CTNNA2: variants seen among roughly 807,000 people sequenced by gnomAD.
CTNNA2 encodes the protein catenin alpha-2.
In CTNNA2, 42 loss-of-function variants were observed where a neutral mutation model predicts 101.0. That is an observed-to-expected ratio of 0.42 (90% CI 0.32 to 0.54). The LOEUF (loss-of-function observed/expected upper bound fraction) is 0.54, where lower values mean the gene tolerates loss of function less well. Ranked by LOEUF, CTNNA2 falls within the 20% of genes least tolerant of loss-of-function variation. The pLI is 0.14. For synonymous variants in CTNNA2, 450 were observed against 456.4 expected (o/e 0.99, Z 0.18); for missense variants, 871 against 1,223.1 (o/e 0.71, Z 4.29).
intron 18 of CTNNA2, among the ~76,000 whole-genome samples, chr2:80,621,399 A>G (rs1178082262): frequency 1.3e-5 from 2 of 151,970 alleles, no homozygotes; most frequent in Non-Finnish European, 2.9e-5. Flanking sequence ...ATATACTGCT[A>G]TTTGGTTAAT....
intron 7 of CTNNA2, among the ~76,000 whole-genome samples, chr2:79,992,456 G>A (rs2103904627): frequency 6.6e-6 from 1 of 152,274 alleles, no homozygotes; most frequent in African/African-American, 2.4e-5. Context: ...TTGTATTTAA[G>A]CAAGTAATGT....
At chr2:79,208,349 G>A (rs1674127461) in intron 2 of CTNNA2, among the ~76,000 whole-genome samples, 1 of 152,184 alleles carries the variant, frequency 6.6e-6, no homozygotes, top group African/African-American at 2.4e-5. Context: ...GGCTGGTAAT[G>A]AAGTGCATCT....
intron 9 of CTNNA2, among the ~76,000 whole-genome samples, chr2:80,485,736 A>C (rs1241275360): frequency 1.3e-5 from 2 of 152,226 alleles, no homozygotes; most frequent in African/African-American, 4.8e-5. Context: ...CAACAATAAC[A>C]ACAACAGAAT....
chr2:80,556,003 C>A, intron 12 of CTNNA2, 110 bp downstream of exon 12: 1 of 716,606 alleles, frequency 1.4e-6, no homozygotes, highest in Non-Finnish European at 2.1e-6. Flanking sequence ...CTAAATTGCA[C>A]ATAATTGTGG....
At chr2:79,259,172 A>T (rs1430948331) in intron 2 of CTNNA2, among the ~76,000 whole-genome samples, 2 of 152,122 alleles carry the variant, frequency 1.3e-5, no homozygotes, top group Admixed American at 6.5e-5. Context: ...TGACTGACTA[A>T]TAATTAAAAC....
intron 1 of CTNNA2, among the ~76,000 whole-genome samples, chr2:79,588,394 G>A (rs765516573): frequency 2.0e-5 from 3 of 152,090 alleles, no homozygotes; most frequent in Non-Finnish European, 4.4e-5. Context: ...GTTATTTGTT[G>A]TAATAATCTT....
At chr2:79,724,542 G>C (rs1195578409) in intron 2 of CTNNA2, among the ~76,000 whole-genome samples, 1 of 152,010 alleles carries the variant, frequency 6.6e-6, no homozygotes, top group African/African-American at 2.4e-5. Flanking sequence ...ATGGGCTGGC[G>C]CGGTGGCTCA....
chr2:79,219,461 C>A (rs1674313624), intron 2 of CTNNA2, among the ~76,000 whole-genome samples: 1 of 152,072 alleles, frequency 6.6e-6, no homozygotes, highest in Non-Finnish European at 1.5e-5. Flanking sequence ...TTTTATTTTA[C>A]CTTAGTTTAA....
chr2:79,689,615 A>G (rs1573687722), intron 2 of CTNNA2, among the ~76,000 whole-genome samples: 1 of 152,032 alleles, frequency 6.6e-6, no homozygotes, highest in East Asian at 1.9e-4. Context: ...AATGGCCAAA[A>G]CAAAGAAAAA....
chr2:80,594,385 C>T lies in CTNNA2; in HGVS notation c.2189+4900C>T, dbSNP rs187540865. Among the ~76,000 whole-genome samples, 540 of 151,792 alleles carry T rather than the reference C, an allele frequency of 3.6e-3. 5 individuals are homozygous for T. The highest frequency in any genetic ancestry group is 0.011 in the African/African-American group (467 of 41,424). On this transcript the variant is annotated intron_variant, in intron 15 of 18. Transcript: ENST00000402739. ...AGTTGTAGGAGTCCTTGGTATATTC[C>T]GGATATTAATTTCTTATCAGGAATT...
At chr2:80,084,710 T>C (rs1699340633) in intron 7 of CTNNA2, among the ~76,000 whole-genome samples, 2 of 152,244 alleles carry the variant, frequency 1.3e-5, no homozygotes, top group South Asian at 4.1e-4. Flanking sequence ...ATTTTCTAAC[T>C]GATTATGGTT....
chr2:79,405,924 C>T (rs950864889), intron 4 of CTNNA2, among the ~76,000 whole-genome samples: 5 of 151,798 alleles, frequency 3.3e-5, no homozygotes, highest in Non-Finnish European at 7.4e-5. Flanking sequence ...TCTTTGGCAG[C>T]CAGGAGGCAA....
intron 7 of CTNNA2, among the ~76,000 whole-genome samples, chr2:80,353,217 T>C (rs753955240): frequency 6.6e-6 from 1 of 151,956 alleles, no homozygotes; most frequent in African/African-American, 2.4e-5. Flanking sequence ...AGGCCCCTGA[T>C]AAATAGCAAA....
intron 2 of CTNNA2, among the ~76,000 whole-genome samples, chr2:79,291,746 TCTC>T (rs1401809090): frequency 1.3e-5 from 2 of 152,226 alleles, no homozygotes; most frequent in African/African-American, 4.8e-5. Context: ...TTGTGAATAG[TCTC>T]CTCCCATGGC....
chr2:79,296,530 C>A (rs1167213266), intron 2 of CTNNA2, among the ~76,000 whole-genome samples: 3 of 152,106 alleles, frequency 2.0e-5, no homozygotes, highest in Non-Finnish European at 2.9e-5. Context: ...ATTTACTACA[C>A]TTATTATGCA....
At chr2:79,534,678 C>T (rs531945647) in intron 1 of CTNNA2, among the ~76,000 whole-genome samples, 4 of 152,092 alleles carry the variant, frequency 2.6e-5, no homozygotes, top group African/African-American at 9.6e-5. Context: ...TATATTTTCT[C>T]CTGAGTTCCT....
intron 2 of CTNNA2, among the ~76,000 whole-genome samples, chr2:79,240,352 T>C (rs1674611469): frequency 6.6e-6 from 1 of 152,166 alleles, no homozygotes; most frequent in Admixed American, 6.5e-5. Context: ...AGGTAGTTTT[T>C]TGATCCTTAC....
At chr2:79,385,132 C>G (rs189397790) in intron 4 of CTNNA2, among the ~76,000 whole-genome samples, 1 of 152,150 alleles carries the variant, frequency 6.6e-6, no homozygotes. Context: ...CTTCTTGAGT[C>G]AGAGTCTTCA....
At chr2:80,347,905 A>G (rs1573794784) in intron 7 of CTNNA2, among the ~76,000 whole-genome samples, 1 of 146,698 alleles carries the variant, frequency 6.8e-6, no homozygotes, top group Non-Finnish European at 1.5e-5. Flanking sequence ...GTGCATTGGG[A>G]GCACCTTGGG....
Sources: gnomAD v4.1 joint callset for allele counts (sites outside exome capture counted in the v4.1 genomes callset) on GRCh38, gnomAD v4.1.1 for gene constraint, MANE v1.5 for transcripts, NCBI Gene and HGNC (gene_info 2026-07-23, HGNC 2026-07-21) for gene names.